Variants in PURB observed in about 807,000 individuals in gnomAD.
PURB encodes the protein transcriptional regulator protein Pur-beta.
PURB carries 11 observed loss-of-function variants against 21.1 expected under a neutral mutation model. That is an observed-to-expected ratio of 0.52 (90% CI 0.33 to 0.86). PURB has a LOEUF of 0.86. Among genes scored for constraint, PURB ranks in the 40% least tolerant of loss-of-function variants. PURB has a pLI of 0.02. For synonymous variants in PURB, 246 were observed against 210.8 expected (o/e 1.17, Z -1.45); for missense variants, 357 against 456.5 (o/e 0.78, Z 1.99).
Position 44,878,998 on chromosome 7 carries a change from G to A in PURB, c.*5412C>T, listed in dbSNP as rs1230966167. 1.3e-5 allele frequency: 2 copies of A among 152,062 alleles called. No homozygotes were observed. The highest frequency in any genetic ancestry group is 2.4e-5 in the African/African-American group (1 of 41,402). The allele number at this position is 152,062 out of a possible 1,614,324, so 9.4% of individuals were successfully genotyped here. ...TTGTTTTTTCTAAGTTAAAAATGGG[G>A]GAAATGAAGTTATAATCTGCCATTT... On this transcript the variant is annotated 3_prime_UTR_variant, in exon 1 of 1. Coordinates refer to ENST00000395699, the MANE Select transcript of PURB (RefSeq NM_033224.5).
rs1319187298 is a variant in PURB, at chr7:44,881,789, C to A, written c.*2621G>T. 1 of 154,684 alleles carries A rather than the reference C, an allele frequency of 6.5e-6. No individual in the cohort carries two copies. Among genetic ancestry groups the A allele is most frequent in the Non-Finnish European group, 1.5e-5 (1 of 68,182 alleles). The allele number at this position is 154,684 out of a possible 1,614,324, so 9.6% of individuals were successfully genotyped here. ...GGCATATACTCTATATGCCTCAGAC[C>A]ACTTCCACATTCTTTCTATTCAGCT... On this transcript the variant is annotated 3_prime_UTR_variant, in exon 1 of 1. Transcript: ENST00000395699.
Position 44,885,214 on chromosome 7 carries a change from G to C in PURB, c.135C>G (p.Arg45=), listed in dbSNP as rs532757822. 4 of 1,578,874 alleles carry C rather than the reference G, an allele frequency of 2.5e-6. No individual in the cohort carries two copies. In the South Asian group the frequency reaches 4.5e-5, roughly 18 times the overall value. Reference sequence around the variant, plus strand: ...CGTTCTGCTTCACATCTAAGTAGAAGCGCTTGTTCTGGATGTCCAGCCGCT... The same window carrying C: ...CGTTCTGCTTCACATCTAAGTAGAACCGCTTGTTCTGGATGTCCAGCCGCT... ...ASKRLDIQNK[R]FYLDVKQNAK... The change falls in exon 1 of 1, where the codon CGC becomes CGG. Residue 45 remains arginine (R), a synonymous_variant. Transcript: ENST00000395699.
rs1793852053 is a variant in PURB at position 44,879,812 on chromosome 7, T to A, written c.*4598A>T. 6.6e-6 allele frequency: 1 copy of A among 152,640 alleles called. No homozygotes were observed. The highest frequency in any genetic ancestry group is 2.1e-4 in the South Asian group (1 of 4,832). The allele number at this position is 152,640 out of a possible 1,614,324, so 9.5% of individuals were successfully genotyped here. ...TCTAAGGGAGCCTGAGAAACTATGA[T>A]CCACATCACACAAAGATTTCATGTA... On this transcript the variant is annotated 3_prime_UTR_variant, in exon 1 of 1. Transcript: ENST00000395699.
chr7:44,877,155 AGTCT>A lies in PURB; in HGVS notation c.*7251_*7254del, dbSNP rs910782232. ...CATCAGTCCCAGCTTTGGAGTGAATAGTCTAAGAAAGCCACTGGTAGATACTATG... is the reference window on the plus strand; with the variant it reads ...CATCAGTCCCAGCTTTGGAGTGAATAAAGAAAGCCACTGGTAGATACTATG... On this transcript the variant is annotated 3_prime_UTR_variant, in exon 1 of 1. Transcript: ENST00000395699. 1.3e-4 allele frequency: 20 copies of A among 152,780 alleles called. No individual in the cohort carries two copies. Among genetic ancestry groups the A allele is most frequent in the Middle Eastern group, 3.4e-3 (1 of 294 alleles). 9.5% of individuals were successfully genotyped at this position (152,780 alleles called of 1,614,324 possible). A position where few individuals can be genotyped will look rare whatever the true frequency, so the allele number is the denominator to read the frequency against.
rs1652695919 is a variant in PURB, at chr7:44,880,549, C to A, written c.*3861G>T. 6.6e-6 allele frequency: 1 copy of A among 152,648 alleles called. No individual in the cohort carries two copies. Among genetic ancestry groups the A allele is most frequent in the Admixed American group, 6.5e-5 (1 of 15,276 alleles). 9.5% of individuals were successfully genotyped at this position (152,648 alleles called of 1,614,324 possible). ...GTCAAGGTCACATTTAACAAAGCAT[C>A]TTCAGCAACTACAGTGCCTGAAGTG... On this transcript the variant is annotated 3_prime_UTR_variant, in exon 1 of 1. Coordinates refer to ENST00000395699, the MANE Select transcript of PURB (RefSeq NM_033224.5).
Position 44,884,524 on chromosome 7 carries a change from A to G in PURB, c.825T>C (p.Tyr275=). ...WGKFGGAFCR[Y]ADEMKEIQER... ...CCTGGATTTCTTTCATCTCATCCGC[A>G]TACCGGCAAAAGGCGCCTCCGAACT... Residue 275 remains tyrosine, a synonymous_variant, in exon 1 of 1, where the codon TAT becomes TAC. Transcript: ENST00000395699. The G allele has an allele frequency of 6.2e-7, 1 of 1,614,024 alleles. No individual in the cohort carries two copies. The highest frequency in any genetic ancestry group is 1.3e-5 in the African/African-American group (1 of 74,990).
Position 44,884,865 on chromosome 7 carries a change from C to A in PURB, c.484G>T (p.Gly162Trp). The change falls in exon 1 of 1, where the codon GGG becomes TGG. Residue 162 changes from glycine (G) to tryptophan (W), a missense_variant. Transcript: ENST00000395699. The part of the protein sequence containing the change: ...RGGGGFGAGP[G>W]PGGLQSGQTI... ...TGGCCGCTCTGCAAGCCGCCCGGCC[C>A]GGGGCCCGCGCCGAAGCCGCCACCG... 6.4e-7 allele frequency: 1 copy of A among 1,557,744 alleles called. No homozygotes were observed.
At position 44,878,465 on chromosome 7, in the gene PURB, A is replaced by C. The variant is rs1484287531; in HGVS notation, c.*5945T>G. The C allele has an allele frequency of 6.6e-6, 1 of 152,324 alleles. No homozygotes were observed. The highest frequency in any genetic ancestry group is 2.4e-5 in the African/African-American group (1 of 41,464). The allele number at this position is 152,324 out of a possible 1,614,324, so 9.4% of individuals were successfully genotyped here. A position where few individuals can be genotyped will look rare whatever the true frequency, so the allele number is the denominator to read the frequency against. On this transcript the variant is annotated 3_prime_UTR_variant, in exon 1 of 1. Coordinates refer to ENST00000395699, the MANE Select transcript of PURB (RefSeq NM_033224.5). ...AAAAATGAGTTTTAGCTTCCAATAA[A>C]GCTCTGCTCTTATTAGAAATCATAT... is the stretch of plus-strand genomic sequence containing the variant.
Position 44,884,927 on chromosome 7 carries a change from C to A in PURB, c.422G>T (p.Gly141Val). The change falls in exon 1 of 1, where the codon GGC becomes GTC. Residue 141 changes from glycine to valine, a missense_variant. Coordinates refer to ENST00000395699, the MANE Select transcript of PURB (RefSeq NM_033224.5). ...CGTTTGGCGGATGCGCAGGAAGCGG[C>A]CGCGCTGGTTCTCCTTGAGGTCCAG... Reference protein sequence around the residue: ...YYLDLKENQRGRFLRIRQTVN... With the variant: ...YYLDLKENQRVRFLRIRQTVN... The A allele has an allele frequency of 6.3e-7, 1 of 1,584,044 alleles. No individual in the cohort carries two copies. Among genetic ancestry groups the A allele is most frequent in the Non-Finnish European group, 8.6e-7 (1 of 1,167,882 alleles).
At position 44,882,749 on chromosome 7, in the gene PURB, G is replaced by C. The variant is rs1337820244; in HGVS notation, c.*1661C>G. ...TAAGATTGTGGAGGCGGGGTTACTT[G>C]CCTCCTGGTTGAGAAGGTGTCACAC... On this transcript the variant is annotated 3_prime_UTR_variant, in exon 1 of 1. Coordinates refer to ENST00000395699, the MANE Select transcript of PURB (RefSeq NM_033224.5). The C allele has an allele frequency of 6.6e-6, 1 of 152,184 alleles. No homozygotes were observed. The highest frequency in any genetic ancestry group is 1.5e-5 in the Non-Finnish European group (1 of 68,026). 9.4% of individuals were successfully genotyped at this position (152,184 alleles called of 1,614,324 possible). A position where few individuals can be genotyped will look rare whatever the true frequency, so the allele number is the denominator to read the frequency against.
In PURB at chr7:44,882,334, CA is replaced by C. The variant is rs1237859962; in HGVS notation, c.*2075del. 6.6e-6 allele frequency: 1 copy of C among 152,538 alleles called. No homozygotes were observed. Among genetic ancestry groups the C allele is most frequent in the African/African-American group, 2.4e-5 (1 of 41,426 alleles). 9.4% of individuals were successfully genotyped at this position (152,538 alleles called of 1,614,324 possible). ...CATCAAAAATACTATTGCTCCCATACAATTTAGGAAACATTCTTTGCAACGG... is the reference window on the plus strand; with the variant it reads ...CATCAAAAATACTATTGCTCCCATACATTTAGGAAACATTCTTTGCAACGG... On this transcript the variant is annotated 3_prime_UTR_variant, in exon 1 of 1. Coordinates refer to ENST00000395699, the MANE Select transcript of PURB (RefSeq NM_033224.5).
rs1793845593 is a variant in PURB at position 44,879,415 on chromosome 7, CTT to C, written c.*4993_*4994del. ...AAGGTAAATGTGTTTTTTTTTTTTT[CTT>C]TTTTCTTTTCTACAAACTATCTCCC... On this transcript the variant is annotated 3_prime_UTR_variant, in exon 1 of 1. Coordinates refer to ENST00000395699, the MANE Select transcript of PURB (RefSeq NM_033224.5). 8.1e-6 allele frequency: 1 copy of C among 123,466 alleles called. No individual in the cohort carries two copies. The highest frequency in any genetic ancestry group is 3.0e-5 in the African/African-American group (1 of 32,918). 7.6% of individuals were successfully genotyped at this position (123,466 alleles called of 1,614,324 possible).
rs1437260817 is a variant in PURB at position 44,878,335 on chromosome 7, T to TA, written c.*6074dup. The TA allele has an allele frequency of 1.3e-5, 2 of 152,210 alleles. No individual in the cohort carries two copies. Among genetic ancestry groups the TA allele is most frequent in the Admixed American group, 1.3e-4 (2 of 15,284 alleles). The allele number at this position is 152,210 out of a possible 1,614,324, so 9.4% of individuals were successfully genotyped here. A position where few individuals can be genotyped will look rare whatever the true frequency, so the allele number is the denominator to read the frequency against. Reference sequence around the variant, plus strand: ...TTTTCTTACCCATGTCAATGGATATTAGATATAACACAAGGAAAATGAAAT... The same window carrying TA: ...TTTTCTTACCCATGTCAATGGATATTAAGATATAACACAAGGAAAATGAAAT... On this transcript the variant is annotated 3_prime_UTR_variant, in exon 1 of 1. Transcript: ENST00000395699.
Position 44,884,578 on chromosome 7 carries a change from G to C in PURB, c.771C>G (p.Ala257=). 2 of 1,614,220 alleles carry C rather than the reference G, an allele frequency of 1.2e-6. No individual in the cohort carries two copies. Among genetic ancestry groups the C allele is most frequent in the Non-Finnish European group, 1.7e-6 (2 of 1,180,050 alleles). ...VSEVKPSYRN[A]ITVPFKAWGK... The stretch of plus-strand genomic sequence containing the variant: ...CCCAGGCTTTGAAGGGTACGGTGAT[G>C]GCATTGCGGTAGGACGGCTTCACCT... Residue 257 remains alanine, a synonymous_variant, in exon 1 of 1, where the codon GCC becomes GCG. Coordinates refer to ENST00000395699, the MANE Select transcript of PURB (RefSeq NM_033224.5).
chr7:44,878,048 A>G lies in PURB; in HGVS notation c.*6362T>C, dbSNP rs556080693. The G allele has an allele frequency of 6.6e-6, 1 of 152,364 alleles. No homozygotes were observed. Among genetic ancestry groups the G allele is most frequent in the South Asian group, 2.1e-4 (1 of 4,830 alleles). The allele number at this position is 152,364 out of a possible 1,614,324, so 9.4% of individuals were successfully genotyped here. The stretch of plus-strand genomic sequence containing the variant: ...AAACCACTCACCATCCTATTTCTAA[A>G]TATAAAGATTCTTCCAACCAGCCTG... On this transcript the variant is annotated 3_prime_UTR_variant, in exon 1 of 1. Transcript: ENST00000395699.
At position 44,879,544 on chromosome 7, in the gene PURB, A is replaced by G. The variant is rs560737163; in HGVS notation, c.*4866T>C. The G allele has an allele frequency of 6.6e-6, 1 of 152,320 alleles. No homozygotes were observed. The highest frequency in any genetic ancestry group is 2.1e-4 in the South Asian group (1 of 4,796). 9.4% of individuals were successfully genotyped at this position (152,320 alleles called of 1,614,324 possible). The stretch of plus-strand genomic sequence containing the variant: ...ATTGATTTACAGTACTCTAAAACCA[A>G]CCCTGAAAACTGATAATCTCATTCA... On this transcript the variant is annotated 3_prime_UTR_variant, in exon 1 of 1. Transcript: ENST00000395699.
In PURB at chr7:44,882,425, TAGAGAA is replaced by T. The variant is rs1409204919; in HGVS notation, c.*1979_*1984del. 5 of 152,498 alleles carry T rather than the reference TAGAGAA, an allele frequency of 3.3e-5. No homozygotes were observed. The highest frequency in any genetic ancestry group is 3.3e-4 in the Admixed American group (5 of 15,264). The allele number at this position is 152,498 out of a possible 1,614,324, so 9.4% of individuals were successfully genotyped here. A position where few individuals can be genotyped will look rare whatever the true frequency, so the allele number is the denominator to read the frequency against. The stretch of plus-strand genomic sequence containing the variant: ...AAAATTCTACTGTGGATGATGAGAG[TAGAGAA>T]ATAGTCTGAAAAGGGCACCAATGTT... On this transcript the variant is annotated 3_prime_UTR_variant, in exon 1 of 1. Coordinates refer to ENST00000395699, the MANE Select transcript of PURB (RefSeq NM_033224.5).
In PURB at chr7:44,882,199, CA is replaced by C. The variant is rs1418205241; in HGVS notation, c.*2210del. ...AAACTATTTAGGAATTTGTTCTCCG[CA>C]GCAAAGAAATAGACACTCAAAACAC... On this transcript the variant is annotated 3_prime_UTR_variant, in exon 1 of 1. Transcript: ENST00000395699. 3 of 152,552 alleles carry C rather than the reference CA, an allele frequency of 2.0e-5. No individual in the cohort carries two copies. Among genetic ancestry groups the C allele is most frequent in the African/African-American group, 7.2e-5 (3 of 41,422 alleles). The allele number at this position is 152,552 out of a possible 1,614,324, so 9.4% of individuals were successfully genotyped here.
At position 44,884,341 on chromosome 7, in the gene PURB, G is replaced by A. The variant is rs1793922974; in HGVS notation, c.*69C>T. The A allele has an allele frequency of 1.3e-6, 2 of 1,564,728 alleles. No individual in the cohort carries two copies. Among genetic ancestry groups the A allele is most frequent in the Admixed American group, 1.8e-5 (1 of 55,318 alleles). ...CTCTCCACTAGCTCACTGGGGATGA[G>A]CAGGAAAGGGAATTCTCTAGCCAAG... On this transcript the variant is annotated 3_prime_UTR_variant, in exon 1 of 1. Coordinates refer to ENST00000395699, the MANE Select transcript of PURB (RefSeq NM_033224.5).
Sources: gnomAD v4.1 joint callset for allele counts on GRCh38, gnomAD v4.1.1 for gene constraint, MANE v1.5 for transcripts, NCBI Gene and HGNC (gene_info 2026-07-23, HGNC 2026-07-21) for gene names.